FHAD1: variants seen among roughly 807,000 people sequenced by gnomAD.
The protein encoded by FHAD1 is forkhead-associated domain-containing protein 1.
In FHAD1, 146 loss-of-function variants were observed where a neutral mutation model predicts 191.3. The ratio of observed to expected loss-of-function variants is 0.76; its 90% confidence interval spans 0.67 to 0.88. The LOEUF is 0.88. Ranked by LOEUF, FHAD1 falls within the 40% of genes least tolerant of loss-of-function variation. The pLI is 0.00. For missense variants in FHAD1, 1,635 were observed against 1,785.8 expected, an observed-to-expected ratio of 0.92 and a Z score of 1.52; for synonymous variants, 616 against 672.3, an observed-to-expected ratio of 0.92 and a Z score of 1.29.
intron 2 of FHAD1, among the ~76,000 whole-genome samples, chr1:15,269,540 T>C (rs1234647954): frequency 6.6e-6 from 1 of 152,270 alleles, no homozygotes; most frequent in South Asian, 2.1e-4. Context: ...ATGATTTCTA[T>C]TCCTTTAAAT....
intron 14 of FHAD1, among the ~76,000 whole-genome samples, chr1:15,337,199 C>T (rs1455219262): frequency 6.6e-6 from 1 of 152,176 alleles, no homozygotes; most frequent in East Asian, 1.9e-4. Flanking sequence ...CCGGCATTAC[C>T]GATTGGCATG....
intron 18 of FHAD1, among the ~76,000 whole-genome samples, chr1:15,346,104 CAG>C (rs1558179337): frequency 1.3e-5 from 2 of 152,214 alleles, no homozygotes; most frequent in Admixed American, 6.5e-5. Flanking sequence ...TGTGTGAAAA[CAG>C]GGGCGCCCGC....
chr1:15,304,686 A>T (rs114448752), intron 6 of FHAD1, among the ~76,000 whole-genome samples: 1,527 of 152,190 alleles, frequency 0.01, 19 homozygotes, highest in Non-Finnish European at 0.014. Flanking sequence ...CGAAGTGGAG[A>T]CCTGCGCAAG....
intron 3 of FHAD1, among the ~76,000 whole-genome samples, chr1:15,287,827 C>G (rs1359481649): frequency 6.6e-6 from 1 of 152,108 alleles, no homozygotes; most frequent in Admixed American, 6.6e-5. Flanking sequence ...GAGTGGAGAG[C>G]CCTCCTTTTC....
chr1:15,247,734 G>A (rs1646261921), intron 1 of FHAD1, among the ~76,000 whole-genome samples: 1 of 152,124 alleles, frequency 6.6e-6, no homozygotes, highest in African/African-American at 2.4e-5. Context: ...CGGTCAGAGA[G>A]ACTCCCCCCT....
intron 14 of FHAD1, among the ~76,000 whole-genome samples, chr1:15,335,925 G>A (rs1683863069): frequency 6.6e-6 from 1 of 152,130 alleles, no homozygotes; most frequent in East Asian, 1.9e-4. Context: ...TTTGATTCCT[G>A]GGTCACACGT....
chr1:15,334,186 C>T (rs1682998000), intron 14 of FHAD1: 1 of 152,086 alleles, frequency 6.6e-6, no homozygotes, highest in Non-Finnish European at 1.5e-5. Flanking sequence ...CAGAGTCACA[C>T]AGCTGGTACA....
intron 33 of FHAD1, among the ~76,000 whole-genome samples, chr1:15,397,070 A>G (rs951683300): frequency 6.7e-5 from 10 of 150,068 alleles, no homozygotes; most frequent in African/African-American, 1.2e-4. Flanking sequence ...GGGCGCCTGT[A>G]GTCCCAGCTA....
At position 15,289,587 on chromosome 1, in the gene FHAD1, C is replaced by T. The variant is rs1393986205; in HGVS notation, c.489C>T (p.His163=). 34 of 1,551,804 alleles carry T rather than the reference C, an allele frequency of 2.2e-5. No individual in the cohort carries two copies. Among genetic ancestry groups the T allele is most frequent in the Non-Finnish European group, 3.0e-5 (34 of 1,147,022 alleles). ...CCACCGTGGTCCTGCCGGCCTCCCA[C>T]AGGCGGCCTGTGAGCGCCAACAAGG... The part of the protein sequence containing the change: ...PRPTVVLPAS[H]RRPVSANKEM... The change falls in exon 4 of 34, where the codon CAC becomes CAT. Residue 163 remains histidine, a synonymous_variant. Coordinates refer to ENST00000688493, the MANE Select transcript of FHAD1 (RefSeq NM_001391957.1). This position sits in a 1 kb window ranked among gnomAD's most constrained non-coding sequence, Gnocchi z 4.2.
chr1:15,341,099 T>C (rs1028221981), intron 15 of FHAD1, among the ~76,000 whole-genome samples: 2 of 152,152 alleles, frequency 1.3e-5, no homozygotes, highest in African/African-American at 4.8e-5. Flanking sequence ...GGAGAATCAC[T>C]TGAACCCGGG....
rs150857956 is a variant in FHAD1, at chr1:15,270,228, C to T, written c.94-2095C>T. 4.6e-3 allele frequency among the ~76,000 whole-genome samples: 703 copies of T among 152,206 alleles called. 3 individuals are homozygous for T. The highest frequency in any genetic ancestry group is 5.5e-3 in the Non-Finnish European group (373 of 67,950). ...ACCTGGCCTAATGCTTCTCTTTATC[C>T]CCAGTTTTTCTTGTTCTGAAACTGC... On this transcript the variant is annotated intron_variant, in intron 2 of 33. Coordinates refer to ENST00000688493, the MANE Select transcript of FHAD1 (RefSeq NM_001391957.1).
intron 6 of FHAD1, among the ~76,000 whole-genome samples, chr1:15,305,439 A>G (rs1439243860): frequency 6.6e-6 from 1 of 152,176 alleles, no homozygotes; most frequent in African/African-American, 2.4e-5. Flanking sequence ...GCAGGCAACT[A>G]AAGCCTGGAT....
chr1:15,317,711 G>T lies in FHAD1; in HGVS notation c.1261-113G>T. 3 of 665,908 alleles carry T rather than the reference G, an allele frequency of 4.5e-6. No individual in the cohort carries two copies. In the South Asian group the frequency reaches 5.9e-5, roughly 13 times the overall value. 41.2% of individuals were successfully genotyped at this position (665,908 alleles called of 1,614,324 possible). A position where few individuals can be genotyped will look rare whatever the true frequency, so the allele number is the denominator to read the frequency against. Reference sequence around the variant, plus strand: ...ATTAAATAAGCTGATACCAGACAAGGTTTCCACCTTAATGGATGGGATGCC... The same window carrying T: ...ATTAAATAAGCTGATACCAGACAAGTTTTCCACCTTAATGGATGGGATGCC... On this transcript the variant is annotated intron_variant, in intron 9 of 33. Coordinates refer to ENST00000688493, the MANE Select transcript of FHAD1 (RefSeq NM_001391957.1).
intron 33 of FHAD1, among the ~76,000 whole-genome samples, chr1:15,392,754 G>A (rs1251742976): frequency 1.3e-5 from 2 of 152,100 alleles, no homozygotes; most frequent in Non-Finnish European, 2.9e-5. Context: ...AAGGCCCTAC[G>A]GGTTTTTGTT....
intron 20 of FHAD1, 50 bp from the exon 21 acceptor site, chr1:15,358,060 A>G: frequency 6.0e-6 from 8 of 1,339,384 alleles, no homozygotes; most frequent in Non-Finnish European, 5.0e-6. Context: ...GGGCTGGGTA[A>G]ATATGTATTC....
At chr1:15,393,668 T>C (rs575023445) in intron 33 of FHAD1, among the ~76,000 whole-genome samples, 2 of 150,660 alleles carry the variant, frequency 1.3e-5, no homozygotes, top group East Asian at 2.0e-4. Flanking sequence ...AGTGGCACCA[T>C]CTCAGTTCAC....
intron 18 of FHAD1, among the ~76,000 whole-genome samples, chr1:15,346,609 C>G (rs1689008897): frequency 6.6e-6 from 1 of 152,250 alleles, no homozygotes; most frequent in South Asian, 2.1e-4. Flanking sequence ...AGATATTCTA[C>G]TTCTGTTAAT....
chr1:15,387,909 C>G, intron 31 of FHAD1, 142 bp from the exon 32 acceptor site: 1 of 386,070 alleles, frequency 2.6e-6, no homozygotes, highest in Non-Finnish European at 5.1e-6. Flanking sequence ...AAGACTCTCC[C>G]GCAGTGATCC....
chr1:15,249,097 G>GT (rs1646457671), intron 1 of FHAD1, among the ~76,000 whole-genome samples: 1 of 152,116 alleles, frequency 6.6e-6, no homozygotes, highest in Non-Finnish European at 1.5e-5. Flanking sequence ...CTCTTGGAAC[G>GT]TATCTCAGTG....
Sources: gnomAD v4.1 joint callset for allele counts (sites outside exome capture counted in the v4.1 genomes callset) on GRCh38, gnomAD v4.1.1 for gene constraint, Gnocchi (gnomAD v3.1) non-coding constraint, MANE v1.5 for transcripts, NCBI Gene and HGNC (gene_info 2026-07-23, HGNC 2026-07-21) for gene names.